The following WFDC1 variants were observed in gnomAD, a reference collection of about 807,000 sequenced individuals.
WFDC1 encodes WAP four-disulfide core domain 1, also known as WAP four-disulfide core domain protein 1.
Under a neutral mutation model 32.9 loss-of-function variants are expected in WFDC1, and 39 were observed. The ratio of observed to expected loss-of-function variants is 1.19; its 90% CI spans 0.92 to 1.55. WFDC1 has a LOEUF of 1.55. Among genes scored for constraint, WFDC1 ranks in the 40% most tolerant of loss-of-function variants. WFDC1 has a pLI of 0.00. For synonymous variants in WFDC1, 184 were observed against 137.4 expected (o/e 1.34, Z -2.37); for missense variants, 386 against 309.5 (o/e 1.25, Z -1.85).
chr16:84,302,990 C>T (rs1336941551), intron 1 of WFDC1, among the ~76,000 whole-genome samples: 3 of 150,920 alleles, frequency 2.0e-5, no homozygotes, highest in African/African-American at 2.4e-5. Flanking sequence ...AAGACTTGGT[C>T]GACTTTGCCG....
Position 84,312,582 on chromosome 16 carries a change from A to G in WFDC1, c.145-379A>G, listed in dbSNP as rs539402087. Among the ~76,000 whole-genome samples, 13 of 152,170 alleles carry G rather than the reference A, an allele frequency of 8.5e-5. 1 individual carries two copies. Among genetic ancestry groups the G allele is most frequent in the African/African-American group, 3.1e-4 (13 of 41,490 alleles). ...CATATACATATGTACATATAGACAT[A>G]TGTGTGTACGTATATGTATACATGC... On this transcript the variant is annotated intron_variant, in intron 1 of 6. Transcript: ENST00000219454.
At chr16:84,312,437 CCTTT>C (rs958779932) in intron 1 of WFDC1, among the ~76,000 whole-genome samples, 9 of 151,984 alleles carry the variant, frequency 5.9e-5, no homozygotes, top group African/African-American at 1.7e-4. Context: ...TGGCTTTTTT[CCTTT>C]CTTTATTTTC....
At chr16:84,301,817 G>A (rs1163395577) in intron 1 of WFDC1, among the ~76,000 whole-genome samples, 1 of 152,160 alleles carries the variant, frequency 6.6e-6, no homozygotes, top group Non-Finnish European at 1.5e-5. Flanking sequence ...TCTCCTCGCT[G>A]GGACTGAGAT....
chr16:84,324,874 TCCA>T lies in WFDC1; in HGVS notation c.604+417_604+419del, dbSNP rs529863694. ...CATCTACCCACCATCCATCCATCCATCCACCGATTCATCCATCCATCCTCTCAT... is the reference window on the plus strand; with the variant it reads ...CATCTACCCACCATCCATCCATCCATCCGATTCATCCATCCATCCTCTCAT... On this transcript the variant is annotated intron_variant, in intron 5 of 6. Coordinates refer to ENST00000219454, the MANE Select transcript of WFDC1 (RefSeq NM_021197.4). Among the ~76,000 whole-genome samples, 252 of 151,866 alleles carry T rather than the reference TCCA, an allele frequency of 1.7e-3. 2 individuals are homozygous for T. The highest frequency in any genetic ancestry group is 5.6e-3 in the African/African-American group (233 of 41,404).
chr16:84,318,886 G>C (rs1366549670), intron 3 of WFDC1: 1 of 198,500 alleles, frequency 5.0e-6, no homozygotes, highest in East Asian at 1.2e-4. Flanking sequence ...CTGTGTGGCT[G>C]TCCTTGTGCC....
intron 1 of WFDC1, among the ~76,000 whole-genome samples, chr16:84,311,108 T>A (rs919350964): frequency 3.3e-5 from 5 of 152,138 alleles, no homozygotes; most frequent in Non-Finnish European, 4.4e-5. Flanking sequence ...CAGAAGAGTG[T>A]TACTGGGCCT....
intron 2 of WFDC1, among the ~76,000 whole-genome samples, chr16:84,315,571 T>C (rs1482544053): frequency 6.6e-6 from 1 of 152,230 alleles, no homozygotes; most frequent in East Asian, 1.9e-4. Flanking sequence ...TTTCACAATC[T>C]TGGCATATTG....
At chr16:84,303,981 T>C (rs1377648944) in intron 1 of WFDC1, among the ~76,000 whole-genome samples, 1 of 152,236 alleles carries the variant, frequency 6.6e-6, no homozygotes, top group East Asian at 1.9e-4. Flanking sequence ...TTTCACTTAA[T>C]AATCTGTGGG....
intron 1 of WFDC1, 105 bp downstream of exon 1, chr16:84,295,220 A>C: frequency 6.8e-7 from 1 of 1,465,502 alleles, no homozygotes; most frequent in Non-Finnish European, 9.2e-7. Flanking sequence ...TGCTCCCCCA[A>C]AACGTGGCAA....
chr16:84,302,554 A>G (rs937288421), intron 1 of WFDC1, among the ~76,000 whole-genome samples: 33 of 151,692 alleles, frequency 2.2e-4, no homozygotes, highest in African/African-American at 8.0e-4. Context: ...CTTCACGCCC[A>G]TCTCCTCCGA....
intron 4 of WFDC1, among the ~76,000 whole-genome samples, chr16:84,324,140 G>A (rs1908455164): frequency 6.6e-6 from 1 of 151,904 alleles, no homozygotes; most frequent in Admixed American, 6.6e-5. Context: ...AAAAAAGACA[G>A]TGGTTCTGAA....
intron 2 of WFDC1, chr16:84,316,806 C>T (rs955340848): frequency 6.6e-6 from 1 of 151,844 alleles, no homozygotes; most frequent in Non-Finnish European, 1.5e-5. Context: ...GGCAAAAACC[C>T]GTCTCTACTA....
At chr16:84,304,000 T>C (rs560466928) in intron 1 of WFDC1, among the ~76,000 whole-genome samples, 3 of 152,338 alleles carry the variant, frequency 2.0e-5, no homozygotes, top group East Asian at 3.9e-4. Flanking sequence ...GGAAGTATGT[T>C]AACATGGTGG....
At chr16:84,303,261 C>A (rs774390071) in intron 1 of WFDC1, among the ~76,000 whole-genome samples, 11 of 152,054 alleles carry the variant, frequency 7.2e-5, no homozygotes, top group Non-Finnish European at 1.3e-4. Flanking sequence ...ACCACGCAAA[C>A]CAGTGCTGGG....
At chr16:84,305,804 C>G (rs938237592) in intron 1 of WFDC1, among the ~76,000 whole-genome samples, 2 of 151,696 alleles carry the variant, frequency 1.3e-5, no homozygotes, top group Admixed American at 6.6e-5. Flanking sequence ...GAGTTCAAGA[C>G]CATCCTGGGC....
chr16:84,308,201 C>T (rs562255272), intron 1 of WFDC1, among the ~76,000 whole-genome samples: 3 of 152,264 alleles, frequency 2.0e-5, no homozygotes, highest in South Asian at 4.1e-4. Context: ...GCCCCTCATG[C>T]CCTCAGTCTC....
intron 3 of WFDC1, 119 bp from the exon 4 acceptor site, chr16:84,319,312 G>C: frequency 7.1e-7 from 1 of 1,418,388 alleles, no homozygotes; most frequent in Non-Finnish European, 9.5e-7. Flanking sequence ...AGGCGAGGCC[G>C]CCTCTCTGGG....
chr16:84,317,996 G>C (rs1321226157), intron 2 of WFDC1: 4 of 363,456 alleles, frequency 1.1e-5, no homozygotes, highest in Admixed American at 3.6e-5. Context: ...CCCGATTGGA[G>C]GGTGAGACAG....
chr16:84,303,727 T>TTAGTA (rs914554632), intron 1 of WFDC1, among the ~76,000 whole-genome samples: 3 of 152,210 alleles, frequency 2.0e-5, no homozygotes, highest in African/African-American at 7.2e-5. Flanking sequence ...TCAGTGGTGT[T>TTAGTA]TAGTATACTC....
Sources: allele counts gnomAD v4.1 joint callset (sites outside exome capture counted in the v4.1 genomes callset), GRCh38; gene constraint gnomAD v4.1.1; transcripts MANE v1.5; gene names NCBI Gene and HGNC (gene_info 2026-07-23, HGNC 2026-07-21).